The following FBXO10 variants were observed in gnomAD, a reference collection of about 807,000 sequenced individuals.
The protein encoded by FBXO10 is F-box only protein 10.
Under a neutral mutation model 80.7 loss-of-function variants are expected in FBXO10, and 39 were observed. That is an observed-to-expected ratio of 0.48 (90% CI 0.37 to 0.63). FBXO10 has a LOEUF of 0.63. Among genes scored for constraint, FBXO10 ranks in the 30% least tolerant of loss-of-function variants. The pLI, the probability that FBXO10 is intolerant of heterozygous loss-of-function variation, is 0.00. For synonymous variants in FBXO10, 449 were observed against 489.6 expected (o/e 0.92, Z 1.09); for missense variants, 1,025 against 1,269.0 (o/e 0.81, Z 2.92).
intron 1 of FBXO10, among the ~76,000 whole-genome samples, chr9:37,553,422 T>TAA (rs949256334): frequency 6.6e-6 from 1 of 152,126 alleles, no homozygotes; most frequent in Non-Finnish European, 1.5e-5. Flanking sequence ...CTACTTTTAT[T>TAA]AAAGTTCAAA....
chr9:37,565,603 C>T (rs772885613), intron 1 of FBXO10, among the ~76,000 whole-genome samples: 3 of 152,198 alleles, frequency 2.0e-5, no homozygotes, highest in Non-Finnish European at 2.9e-5. Flanking sequence ...AACAACATCA[C>T]CAGGGAACTG....
rs1588821758 is a variant in FBXO10, at chr9:37,518,306, C to G, written c.2333G>C (p.Cys778Ser). The change falls in exon 9 of 11, where the codon TGC becomes TCC. Residue 778 changes from cysteine (C) to serine (S), a missense_variant. By Grantham distance (112) the Cys-to-Ser change is moderately radical. Transcript: ENST00000432825. Reference protein sequence around the residue: ...PTRVANNSISCNRQSGVKVEA... With the variant: ...PTRVANNSISSNRQSGVKVEA... The stretch of plus-strand genomic sequence containing the variant: ...AACCTTGACCCCACTTTGCCGGTTG[C>G]AGGAGATGCTGTTGTTGGCCACTCG... 1.2e-6 allele frequency: 2 copies of G among 1,614,056 alleles called. No individual in the cohort carries two copies. The highest frequency in any genetic ancestry group is 4.5e-5 in the East Asian group (2 of 44,878).
intron 4 of FBXO10, among the ~76,000 whole-genome samples, chr9:37,530,290 T>A (rs1434795049): frequency 6.6e-6 from 1 of 152,228 alleles, no homozygotes. Context: ...TTATTCTTAC[T>A]CTTTCCAGAT....
intron 7 of FBXO10, 120 bp from the exon 8 acceptor site, chr9:37,521,958 C>T: frequency 1.7e-6 from 2 of 1,179,256 alleles, no homozygotes; most frequent in South Asian, 1.7e-5. Flanking sequence ...TTGCTAATGA[C>T]CTCGGACAAG....
chr9:37,558,943 T>C (rs1385653106), intron 1 of FBXO10, among the ~76,000 whole-genome samples: 1 of 152,054 alleles, frequency 6.6e-6, no homozygotes, highest in East Asian at 1.9e-4. Flanking sequence ...CCCGAGTAGC[T>C]GCGATTACAG....
Position 37,531,933 on chromosome 9 carries a change from C to T in FBXO10, c.1545G>A (p.Arg515=). 1 of 1,613,880 alleles carries T rather than the reference C, an allele frequency of 6.2e-7. No individual in the cohort carries two copies. The highest frequency in any genetic ancestry group is 1.3e-5 in the African/African-American group (1 of 75,032). The change falls in exon 4 of 11, where the codon CGG becomes CGA. Residue 515 remains arginine (R), a synonymous_variant. Coordinates refer to ENST00000432825, the MANE Select transcript of FBXO10 (RefSeq NM_012166.3). The stretch of plus-strand genomic sequence containing the variant: ...CCAGTATGAGTGGGTTGGACTTTTT[C>T]CGGATGTCTACACCAGCCTCTGCAT... ...YHNAEAGVDI[R]KKSNPLILCN...
At chr9:37,555,708 TA>T (rs1026686238) in intron 1 of FBXO10, among the ~76,000 whole-genome samples, 357 of 142,300 alleles carry the variant, frequency 2.5e-3, no homozygotes, top group African/African-American at 8.4e-3. Context: ...TTGTTTTTTT[TA>T]ATATATATTT....
chr9:37,522,528 T>A, intron 7 of FBXO10: 1 of 1,143,596 alleles, frequency 8.7e-7, no homozygotes, highest in Non-Finnish European at 1.1e-6. Flanking sequence ...TAGATGCACA[T>A]GAGCCAGGGC....
rs776325617 is a variant in FBXO10 at position 37,531,951 on chromosome 9, C to T, written c.1527G>A (p.Glu509=). 3 of 1,614,016 alleles carry T rather than the reference C, an allele frequency of 1.9e-6. No individual in the cohort carries two copies. The highest frequency in any genetic ancestry group is 2.5e-6 in the Non-Finnish European group (3 of 1,179,892). The change falls in exon 4 of 11, where the codon GAG becomes GAA. Residue 509 remains glutamate (E), a synonymous_variant. Transcript: ENST00000432825. ...ACTTTTTCCGGATGTCTACACCAGCCTCTGCATTGTGGTAAATGTTGTTGC... is the reference window on the plus strand; with the variant it reads ...ACTTTTTCCGGATGTCTACACCAGCTTCTGCATTGTGGTAAATGTTGTTGC... ...IAGNNIYHNA[E]AGVDIRKKSN...
At chr9:37,549,748 C>T (rs1339097594) in intron 1 of FBXO10, among the ~76,000 whole-genome samples, 1 of 152,192 alleles carries the variant, frequency 6.6e-6, no homozygotes, top group African/African-American at 2.4e-5. Context: ...CTCACTTGTT[C>T]CTGTCACCTG....
rs373458015 is a variant in FBXO10, at chr9:37,556,800, C to T, written c.-6-15026G>A. On this transcript the variant is annotated intron_variant, in intron 1 of 10. Transcript: ENST00000432825. Reference sequence around the variant, plus strand: ...CATCAGGTGATCTGTCCGTCTTGTCCTCCCAAAGTGCTGGGATTACAGGCG... The same window carrying T: ...CATCAGGTGATCTGTCCGTCTTGTCTTCCCAAAGTGCTGGGATTACAGGCG... Among the ~76,000 whole-genome samples, 11 of 152,166 alleles carry T rather than the reference C, an allele frequency of 7.2e-5. No individual in the cohort carries two copies. In the East Asian group the frequency reaches 1.9e-3, roughly 27 times the overall value.
At chr9:37,515,422 T>C (rs1821156955) in intron 10 of FBXO10, 1 of 152,706 alleles carries the variant, frequency 6.5e-6, no homozygotes, top group African/African-American at 2.4e-5. Flanking sequence ...AGTTTTGTTG[T>C]CAGAACACTG....
At chr9:37,539,237 T>C (rs1308027481) in intron 2 of FBXO10, among the ~76,000 whole-genome samples, 2 of 152,230 alleles carry the variant, frequency 1.3e-5, no homozygotes, top group African/African-American at 4.8e-5. Context: ...AACCTAATTT[T>C]TCCTTGCTAT....
intron 8 of FBXO10, among the ~76,000 whole-genome samples, chr9:37,518,780 C>T (rs535589125): frequency 3.3e-5 from 5 of 152,196 alleles, no homozygotes; most frequent in East Asian, 1.9e-4. Flanking sequence ...ACCTCCCTGA[C>T]GGGGTGCTCA....
chr9:37,537,103 A>T lies in FBXO10; in HGVS notation c.1419+7T>A. The T allele has an allele frequency of 6.3e-7, 1 of 1,591,294 alleles. No individual in the cohort carries two copies. Among genetic ancestry groups the T allele is most frequent in the Non-Finnish European group, 8.6e-7 (1 of 1,164,300 alleles). On this transcript the variant is annotated splice_region_variant and intron_variant, in intron 3 of 10. Coordinates refer to ENST00000432825, the MANE Select transcript of FBXO10 (RefSeq NM_012166.3). Reference sequence around the variant, plus strand: ...GCCCCCTGACCAATCTAAAGTCATGACAGCACCTTGCTATTATGTATACAC... The same window carrying T: ...GCCCCCTGACCAATCTAAAGTCATGTCAGCACCTTGCTATTATGTATACAC...
At chr9:37,547,817 G>C (rs544750486) in intron 1 of FBXO10, among the ~76,000 whole-genome samples, 1 of 152,214 alleles carries the variant, frequency 6.6e-6, no homozygotes, top group East Asian at 1.9e-4. Flanking sequence ...ATGTTGCCAG[G>C]CATGGTGGTG....
At chr9:37,539,500 C>G (rs1821861708) in intron 2 of FBXO10, among the ~76,000 whole-genome samples, 1 of 152,234 alleles carries the variant, frequency 6.6e-6, no homozygotes, top group African/African-American at 2.4e-5. Flanking sequence ...TAACGCCAGG[C>G]CTCATCCCTT....
In FBXO10 at chr9:37,512,679, G is replaced by A; in HGVS notation, c.2739C>T (p.His913=). The A allele has an allele frequency of 6.2e-7, 1 of 1,614,014 alleles. No homozygotes were observed. Among genetic ancestry groups the A allele is most frequent in the Non-Finnish European group, 8.5e-7 (1 of 1,179,906 alleles). ...AGGGACGTCTGAGAGAATTTTCAAG[G>A]TGGGGCCGTGCTGGTGGGTTCACCA... ...WRLVNPPARP[H]LENSLRRPSA... The change falls in exon 11 of 11, where the codon CAC becomes CAT. Residue 913 remains histidine, a synonymous_variant. Transcript: ENST00000432825.
rs558253298 is a variant in FBXO10, at chr9:37,566,751, C to T, written c.-7+9460G>A. Among the ~76,000 whole-genome samples the T allele has an allele frequency of 2.0e-5, 3 of 152,306 alleles. No individual in the cohort carries two copies. In the East Asian group the frequency reaches 5.8e-4, roughly 29 times the overall value. On this transcript the variant is annotated intron_variant, in intron 1 of 10. Transcript: ENST00000432825. ...CTGTACACACACCTACACACACCAT[C>T]GGAAATGAGACAAAACTTAAATTTG... is the stretch of plus-strand genomic sequence containing the variant.
Sources: gnomAD v4.1 joint callset for allele counts (sites outside exome capture counted in the v4.1 genomes callset) on GRCh38, gnomAD v4.1.1 for gene constraint, MANE v1.5 for transcripts, NCBI Gene and HGNC (gene_info 2026-07-23, HGNC 2026-07-21) for gene names.